The following MCTP1 variants were observed in gnomAD, a reference collection of about 807,000 sequenced individuals.
MCTP1 encodes multiple C2 and transmembrane domain-containing protein 1.
In MCTP1, 69 loss-of-function variants were observed where a neutral mutation model predicts 120.6. The observed-to-expected ratio is 0.57, with a 90% CI of 0.47 to 0.70. The LOEUF (loss-of-function observed/expected upper bound fraction) is 0.70. Among genes scored for constraint, MCTP1 ranks in the 30% least tolerant of loss-of-function variants. The pLI, the probability that MCTP1 is intolerant of heterozygous loss-of-function variation, is 0.00. For synonymous variants in MCTP1, 529 were observed against 493.1 expected (o/e 1.07, Z -0.96); for missense variants, 1,203 against 1,248.8 (o/e 0.96, Z 0.55).
chr5:94,803,622 G>A (rs1398182106), intron 17 of MCTP1, among the ~76,000 whole-genome samples: 1 of 152,186 alleles, frequency 6.6e-6, no homozygotes, highest in Non-Finnish European at 1.5e-5. Flanking sequence ...GAATTGATTG[G>A]CTTACACTAC....
At chr5:95,253,245 T>C (rs1227072699) in intron 1 of MCTP1, among the ~76,000 whole-genome samples, 1 of 152,132 alleles carries the variant, frequency 6.6e-6, no homozygotes, top group Non-Finnish European at 1.5e-5. Flanking sequence ...CCATCCTTTT[T>C]AGAAACAAAA....
chr5:94,952,265 C>G (rs1243832032), intron 3 of MCTP1, among the ~76,000 whole-genome samples: 4 of 151,088 alleles, frequency 2.6e-5, no homozygotes, highest in African/African-American at 9.7e-5. Flanking sequence ...GTCTATTTGC[C>G]CCATAATGAC....
chr5:94,807,734 G>T (rs886888198), intron 17 of MCTP1, among the ~76,000 whole-genome samples: 1 of 152,126 alleles, frequency 6.6e-6, no homozygotes, highest in South Asian at 2.1e-4. Context: ...GGCATTTGGC[G>T]GGTGAAGCCA....
intron 1 of MCTP1, among the ~76,000 whole-genome samples, chr5:95,126,570 C>T (rs1029357551): frequency 6.6e-6 from 1 of 152,198 alleles, no homozygotes; most frequent in Non-Finnish European, 1.5e-5. Context: ...TGTGTGCACA[C>T]ATATGCATCT....
At chr5:95,247,244 G>T (rs426367) in intron 1 of MCTP1, among the ~76,000 whole-genome samples, 23,339 of 151,746 alleles carry the variant, frequency 0.15, 1,883 homozygotes, top group Non-Finnish European at 0.19. Context: ...GATGTCCCCT[G>T]TATCATTTTT....
intron 1 of MCTP1, among the ~76,000 whole-genome samples, chr5:95,212,573 T>C (rs1474910610): frequency 1.3e-5 from 2 of 152,036 alleles, no homozygotes; most frequent in African/African-American, 2.4e-5. Context: ...AAGAGAATTT[T>C]AGACCAATAT....
intron 2 of MCTP1, among the ~76,000 whole-genome samples, chr5:94,969,585 CAAG>C (rs1166106783): frequency 1.3e-5 from 2 of 151,820 alleles, no homozygotes; most frequent in South Asian, 2.1e-4. Context: ...CTCAGTGTCA[CAAG>C]AAGAAGGAGG....
intron 1 of MCTP1, among the ~76,000 whole-genome samples, chr5:95,045,350 AG>A (rs766139061): frequency 6.6e-5 from 10 of 152,286 alleles, no homozygotes; most frequent in African/African-American, 9.6e-5. Context: ...CATATTTATA[AG>A]TTGACTTGGT....
intron 13 of MCTP1, among the ~76,000 whole-genome samples, chr5:94,872,203 A>G (rs1797956702): frequency 6.6e-6 from 1 of 152,162 alleles, no homozygotes; most frequent in Non-Finnish European, 1.5e-5. Context: ...AATTGCAACC[A>G]TATGTGAGGA....
chr5:95,257,680 G>C (rs1375066538), intron 1 of MCTP1, among the ~76,000 whole-genome samples: 3 of 151,948 alleles, frequency 2.0e-5, no homozygotes, highest in Admixed American at 2.0e-4. Flanking sequence ...TCAAGTAAAA[G>C]AAAACAGGAA....
chr5:94,826,726 A>G, intron 17 of MCTP1: 1 of 378,768 alleles, frequency 2.6e-6, no homozygotes, highest in Non-Finnish European at 4.8e-6. Context: ...AAGTTGACAC[A>G]TCCACTTAAA....
At chr5:94,909,115 T>A in intron 10 of MCTP1, 136 bp downstream of exon 10, 1 of 1,042,950 alleles carries the variant, frequency 9.6e-7, no homozygotes, top group Non-Finnish European at 1.4e-6. Flanking sequence ...TTTCAGTTCA[T>A]CCAAGCATTG....
intron 2 of MCTP1, among the ~76,000 whole-genome samples, chr5:94,990,919 A>T (rs1375946187): frequency 1.3e-5 from 2 of 152,148 alleles, no homozygotes; most frequent in African/African-American, 4.8e-5. Flanking sequence ...GAGAATTCCC[A>T]TATCACTTTT....
chr5:94,801,591 C>T (rs1157902290), intron 17 of MCTP1, among the ~76,000 whole-genome samples: 4 of 152,144 alleles, frequency 2.6e-5, no homozygotes, highest in South Asian at 2.1e-4. Flanking sequence ...TGTGTTCTGG[C>T]GTCATGGATG....
In MCTP1 at chr5:95,284,667, C is replaced by A. The variant is rs1760614374; in HGVS notation, c.-92G>T. The A allele has an allele frequency of 8.8e-7, 1 of 1,132,450 alleles. No homozygotes were observed. The highest frequency in any genetic ancestry group is 1.2e-6 in the Non-Finnish European group (1 of 857,756). The allele number at this position is 1,132,450 out of a possible 1,614,324, so 70.2% of individuals were successfully genotyped here. A position where few individuals can be genotyped will look rare whatever the true frequency, so the allele number is the denominator to read the frequency against. ...GGCTGCACCTCCTCCCGGGTCCCCG[C>A]GGCGCTGGCGGTGGCGGCGGCGGCG... On this transcript the variant is annotated 5_prime_UTR_variant, in exon 1 of 23. Coordinates refer to ENST00000515393, the MANE Select transcript of MCTP1 (RefSeq NM_024717.7). This position sits in a 1 kb window ranked among gnomAD's most constrained non-coding sequence, Gnocchi z 5.2.
chr5:95,074,227 A>AATCTGCTATACC (rs1752984229), intron 1 of MCTP1, among the ~76,000 whole-genome samples: 3 of 152,254 alleles, frequency 2.0e-5, no homozygotes, highest in Admixed American at 2.0e-4. Context: ...TTCCCTGGTG[A>AATCTGCTATACC]ATCTGCTATA....
chr5:95,063,940 A>G (rs6862865), intron 1 of MCTP1, among the ~76,000 whole-genome samples: 110,896 of 152,092 alleles, frequency 0.73, 42,964 homozygotes, highest in Non-Finnish European at 0.89. Context: ...TATTCTCCTT[A>G]TCTCCATCTT....
chr5:94,743,830 G>A (rs1307396329), intron 19 of MCTP1, among the ~76,000 whole-genome samples: 1 of 151,078 alleles, frequency 6.6e-6, no homozygotes, highest in Non-Finnish European at 1.5e-5. Flanking sequence ...TAGTAGAGAC[G>A]GGGTTTCACC....
intron 1 of MCTP1, among the ~76,000 whole-genome samples, chr5:95,164,930 G>A (rs1005090041): frequency 6.6e-6 from 1 of 152,104 alleles, no homozygotes; most frequent in African/African-American, 2.4e-5. Context: ...TTTTCTGGCT[G>A]TATCATCCCA....
Sources: gnomAD v4.1 joint callset for allele counts (sites outside exome capture counted in the v4.1 genomes callset) on GRCh38, gnomAD v4.1.1 for gene constraint, Gnocchi (gnomAD v3.1) non-coding constraint, MANE v1.5 for transcripts, NCBI Gene and HGNC (gene_info 2026-07-23, HGNC 2026-07-21) for gene names.